GPR158: variants seen among roughly 807,000 people sequenced by gnomAD.
GPR158 encodes metabotropic glycine receptor.
In GPR158, 30 loss-of-function variants were observed where a neutral mutation model predicts 78.2. The ratio of observed to expected loss-of-function variants is 0.38; its 90% CI spans 0.29 to 0.52. GPR158 has a LOEUF of 0.52. Ranked by LOEUF, GPR158 falls within the 20% of genes least tolerant of loss-of-function variation. GPR158 has a pLI of 0.83. For synonymous variants in GPR158, 581 were observed against 591.1 expected (o/e 0.98, Z 0.25); for missense variants, 1,463 against 1,523.5 (o/e 0.96, Z 0.66).
At chr10:25,348,705 T>C (rs1361668463) in intron 2 of GPR158, among the ~76,000 whole-genome samples, 1 of 151,988 alleles carries the variant, frequency 6.6e-6, no homozygotes, top group Non-Finnish European at 1.5e-5. Flanking sequence ...AAGATTCCTC[T>C]TTCTTAATCC....
chr10:25,517,504 G>A (rs1296219152), intron 5 of GPR158, among the ~76,000 whole-genome samples: 2 of 152,076 alleles, frequency 1.3e-5, no homozygotes, highest in African/African-American at 2.4e-5. Context: ...TATAGGCTGT[G>A]GGTTTGTCAT....
At chr10:25,591,834 A>G (rs1197359564) in intron 8 of GPR158, among the ~76,000 whole-genome samples, 2 of 152,130 alleles carry the variant, frequency 1.3e-5, no homozygotes, top group East Asian at 3.8e-4. Flanking sequence ...AATATAATTT[A>G]TATGGCTATA....
intron 7 of GPR158, among the ~76,000 whole-genome samples, chr10:25,581,781 G>A (rs1270459590): frequency 1.3e-5 from 2 of 152,138 alleles, no homozygotes; most frequent in Non-Finnish European, 2.9e-5. Flanking sequence ...GATAATAGTA[G>A]CAAGCGATCC....
intron 5 of GPR158, among the ~76,000 whole-genome samples, chr10:25,496,903 A>C (rs750337852): frequency 3.9e-5 from 6 of 152,214 alleles, no homozygotes; most frequent in Non-Finnish European, 7.3e-5. Flanking sequence ...TCAGTTGCCA[A>C]ATGGATAGTA....
intron 1 of GPR158, 48 bp from the exon 2 acceptor site, chr10:25,221,004 C>A (rs368235398): frequency 9.8e-7 from 1 of 1,019,964 alleles, no homozygotes; most frequent in East Asian, 2.4e-5. Context: ...ACAGAGAAAT[C>A]ATAAATGTCC....
chr10:25,212,481 A>G (rs1564392783), intron 1 of GPR158, among the ~76,000 whole-genome samples: 1 of 152,094 alleles, frequency 6.6e-6, no homozygotes, highest in Non-Finnish European at 1.5e-5. Context: ...ACAATTCGAC[A>G]TGAGATTTAG....
chr10:25,337,075 A>G (rs1452848282), intron 2 of GPR158, among the ~76,000 whole-genome samples: 4 of 152,174 alleles, frequency 2.6e-5, no homozygotes, highest in African/African-American at 9.6e-5. Context: ...TTTTCAAAAT[A>G]TAGCAGCATT....
At chr10:25,323,144 C>T (rs553722967) in intron 2 of GPR158, among the ~76,000 whole-genome samples, 3 of 152,228 alleles carry the variant, frequency 2.0e-5, no homozygotes, top group South Asian at 4.2e-4. Flanking sequence ...CGCGCCTGGC[C>T]TCTGATTGGC....
intron 2 of GPR158, among the ~76,000 whole-genome samples, chr10:25,289,394 G>A (rs1194855895): frequency 6.6e-6 from 1 of 152,132 alleles, no homozygotes; most frequent in Non-Finnish European, 1.5e-5. Flanking sequence ...GCAAGCAGGT[G>A]AGGAAAAAGC....
chr10:25,253,934 G>T (rs1227584348), intron 2 of GPR158, among the ~76,000 whole-genome samples: 1 of 152,120 alleles, frequency 6.6e-6, no homozygotes, highest in African/African-American at 2.4e-5. Context: ...CATAGAAAAG[G>T]TTCTATTCTT....
chr10:25,387,273 A>G (rs1289487095), intron 2 of GPR158, among the ~76,000 whole-genome samples: 1 of 152,160 alleles, frequency 6.6e-6, no homozygotes, highest in Non-Finnish European at 1.5e-5. Flanking sequence ...GTGTAACTAC[A>G]CTGATTGCTT....
At chr10:25,180,181 T>C (rs1200438314) in intron 1 of GPR158, among the ~76,000 whole-genome samples, 2 of 152,212 alleles carry the variant, frequency 1.3e-5, no homozygotes, top group Non-Finnish European at 2.9e-5. Flanking sequence ...CCCAAATAGC[T>C]AAAGGAATTT....
chr10:25,558,224 C>A (rs1836810580), intron 6 of GPR158, among the ~76,000 whole-genome samples: 1 of 152,158 alleles, frequency 6.6e-6, no homozygotes, highest in Admixed American at 6.5e-5. Flanking sequence ...TATGTGCGTG[C>A]GCACGTGAGT....
At chr10:25,293,005 G>A (rs1035444819) in intron 2 of GPR158, among the ~76,000 whole-genome samples, 1 of 152,136 alleles carries the variant, frequency 6.6e-6, no homozygotes, top group African/African-American at 2.4e-5. Context: ...ATGGATGAGA[G>A]ATCTGATCAG....
chr10:25,520,413 G>C (rs1836244338), intron 5 of GPR158, among the ~76,000 whole-genome samples: 1 of 149,998 alleles, frequency 6.7e-6, no homozygotes, highest in South Asian at 2.1e-4. Context: ...TCTGTTGCTG[G>C]TGAGGAACTG....
At chr10:25,471,788 C>G (rs183429140) in intron 5 of GPR158, among the ~76,000 whole-genome samples, 5 of 152,092 alleles carry the variant, frequency 3.3e-5, no homozygotes, top group Non-Finnish European at 7.4e-5. Context: ...TCATATCCTT[C>G]GCCCACTTTT....
chr10:25,571,831 TTA>T (rs1837013571), intron 6 of GPR158, among the ~76,000 whole-genome samples: 1 of 152,198 alleles, frequency 6.6e-6, no homozygotes, highest in African/African-American at 2.4e-5. Context: ...GAAAAAACTC[TTA>T]GTTTTTAAAA....
In GPR158 at chr10:25,221,140, C is replaced by T. The variant is rs765184784; in HGVS notation, c.991C>T (p.His331Tyr). 8 of 1,545,154 alleles carry T rather than the reference C, an allele frequency of 5.2e-6. No homozygotes were observed. The highest frequency in any genetic ancestry group is 2.2e-5 in the East Asian group (1 of 44,554). ...CTGGTTTTCAGGAACTCATAAATGC[C>T]ACCTCAACAATTCAGAGGTAAGAAG... ...DGWFSGTHKC[H>Y]LNNSECMPIK... The change falls in exon 2 of 11, where the codon CAC becomes TAC. Residue 331 changes from histidine (H) to tyrosine (Y), a missense_variant. By Grantham distance (83) the His-to-Tyr change is moderately conservative. Transcript: ENST00000376351.
intron 8 of GPR158, 57 bp from the exon 9 acceptor site, chr10:25,594,235 A>G (rs1564500282): frequency 1.2e-6 from 1 of 867,334 alleles, no homozygotes; most frequent in South Asian, 1.3e-5. Context: ...AAGTAATCCT[A>G]GTGTTCTAAG....
Sources: gnomAD v4.1 joint callset for allele counts (sites outside exome capture counted in the v4.1 genomes callset) on GRCh38, gnomAD v4.1.1 for gene constraint, MANE v1.5 for transcripts, NCBI Gene and HGNC (gene_info 2026-07-23, HGNC 2026-07-21) for gene names.